IMPDH1: variants seen among roughly 807,000 people sequenced by gnomAD.
IMPDH1 encodes inosine monophosphate dehydrogenase 1.
A neutral mutation model predicts 73.5 loss-of-function variants in IMPDH1; 41 were observed. The ratio of observed to expected loss-of-function variants is 0.56; its 90% CI spans 0.43 to 0.72. IMPDH1 has a LOEUF of 0.72. IMPDH1 is among the 30% of genes least tolerant of loss of function. IMPDH1 has a pLI of 0.00. For synonymous variants in IMPDH1, 318 were observed against 334.3 expected (o/e 0.95, Z 0.53); for missense variants, 645 against 824.8 (o/e 0.78, Z 2.67).
chr7:128,400,266 C>G (rs1798224575), intron 8 of IMPDH1, 67 bp downstream of exon 8: 2 of 1,603,644 alleles, frequency 1.2e-6, no homozygotes, highest in South Asian at 2.2e-5. Flanking sequence ...GTCACAGGCA[C>G]CAGTCTGAGG....
chr7:128,400,664 C>A, intron 7 of IMPDH1, 125 bp from the exon 8 acceptor site: 1 of 1,199,326 alleles, frequency 8.3e-7, no homozygotes, highest in South Asian at 1.2e-5. Context: ...GGATGAGGAG[C>A]CAGTGGGAAA....
intron 3 of IMPDH1, 104 bp from the exon 4 acceptor site, chr7:128,405,969 C>G: frequency 1.0e-6 from 1 of 973,882 alleles, no homozygotes; most frequent in Non-Finnish European, 1.2e-6. Context: ...GGCCACGCTG[C>G]TGCCGCGGGC....
chr7:128,404,515 G>C (rs1006400495), intron 4 of IMPDH1, among the ~76,000 whole-genome samples: 1 of 152,120 alleles, frequency 6.6e-6, no homozygotes, highest in Non-Finnish European at 1.5e-5. Context: ...AATCACAGCA[G>C]GCCTTGAGAG....
At position 128,396,959 on chromosome 7, in the gene IMPDH1, G is replaced by C; in HGVS notation, c.1138C>G (p.Pro380Ala). The part of the protein sequence containing the change: ...AMVHYIKQKY[P>A]HLQVIGGNVV... ...TTCCCCCCAATCACCTGGAGGTGGG[G>C]GTACTTCTGTTTGATGTAATGCACC... The change falls in exon 11 of 17, where the codon CCC becomes GCC. Residue 380 changes from proline (P) to alanine (A), a missense_variant. Physicochemically the swap from Pro to Ala is conservative, Grantham distance 27. Around this residue, in one of 2 missense-constraint regions of IMPDH1, gnomAD observed 459 missense variants for 638.2 expected, o/e 0.72. Transcript: ENST00000338791. The surrounding 1 kb of genome is among the most constrained non-coding windows in gnomAD (Gnocchi z 4.0). 6.2e-7 allele frequency: 1 copy of C among 1,613,764 alleles called. No homozygotes were observed. The highest frequency in any genetic ancestry group is 1.3e-5 in the African/African-American group (1 of 75,026).
chr7:128,406,777 C>T (rs565006928), intron 3 of IMPDH1, among the ~76,000 whole-genome samples: 1 of 152,250 alleles, frequency 6.6e-6, no homozygotes, highest in East Asian at 1.9e-4. Context: ...GGTGTTGGTA[C>T]CAGGGCTTTT....
rs765327355 is a variant in IMPDH1 at position 128,396,579 on chromosome 7, C to T, written c.1261+21G>A. 8.5e-6 allele frequency: 13 copies of T among 1,535,246 alleles called. No individual in the cohort carries two copies. The highest frequency in any genetic ancestry group is 1.1e-5 in the Non-Finnish European group (12 of 1,133,372). Reference sequence around the variant, plus strand: ...CGAGGCCCCGGGGCCAGCGGGCACTCGCTCACCTCCTGACACCCACCTTCC... The same window carrying T: ...CGAGGCCCCGGGGCCAGCGGGCACTTGCTCACCTCCTGACACCCACCTTCC... On this transcript the variant is annotated intron_variant, in intron 12 of 16. Coordinates refer to ENST00000338791, the MANE Select transcript of IMPDH1 (RefSeq NM_000883.4). The surrounding 1 kb of genome is among the most constrained non-coding windows in gnomAD (Gnocchi z 4.0).
At chr7:128,400,286 G>A (rs767696136) in intron 8 of IMPDH1, 47 bp downstream of exon 8, 9 of 1,601,368 alleles carry the variant, frequency 5.6e-6, no homozygotes, top group Non-Finnish European at 7.7e-6. Context: ...GCCCCAGCGT[G>A]AGGGTCCTCT....
chr7:128,400,201 T>C lies in IMPDH1; in HGVS notation c.787-19A>G, dbSNP rs769028805. On this transcript the variant is annotated intron_variant, in intron 8 of 16. Transcript: ENST00000338791. ...TCATCACCTGTGGGGCCAGGAACATTTGCCTGCAGGTTGGCAGGTGAGAGA... is the reference window on the plus strand; with the variant it reads ...TCATCACCTGTGGGGCCAGGAACATCTGCCTGCAGGTTGGCAGGTGAGAGA... 6 of 1,614,022 alleles carry C rather than the reference T, an allele frequency of 3.7e-6. No homozygotes were observed. Among genetic ancestry groups the C allele is most frequent in the Non-Finnish European group, 5.1e-6 (6 of 1,179,974 alleles).
chr7:128,409,812 C>T lies in IMPDH1; in HGVS notation c.90G>A (p.Glu30=). 2.0e-6 allele frequency: 3 copies of T among 1,499,780 alleles called. No homozygotes were observed. The highest frequency in any genetic ancestry group is 2.7e-5 in the East Asian group (1 of 36,480). 92.9% of individuals were successfully genotyped at this position (1,499,780 alleles called of 1,614,324 possible). A position where few individuals can be genotyped will look rare whatever the true frequency, so the allele number is the denominator to read the frequency against. ...EPGARQHPGH[E]TAAQRYSARL... The stretch of plus-strand genomic sequence containing the variant: ...GGGCGCTGTACCGCTGCGCCGCCGT[C>T]TCGTGTCCCGGGTGTTGCCGGGCTC... The change falls in exon 1 of 17, where the codon GAG becomes GAA. Residue 30 remains glutamate, a synonymous_variant. Transcript: ENST00000338791.
chr7:128,409,618 T>C, intron 1 of IMPDH1, 134 bp from the exon 2 acceptor site: 1 of 1,521,660 alleles, frequency 6.6e-7, no homozygotes. Flanking sequence ...TTCGGGAAGT[T>C]AGAGGCTGAG....
intron 16 of IMPDH1, among the ~76,000 whole-genome samples, chr7:128,393,959 C>A (rs1235029373): frequency 6.6e-6 from 1 of 152,146 alleles, no homozygotes; most frequent in Non-Finnish European, 1.5e-5. Flanking sequence ...CCTGGTGCCA[C>A]CACAGCCCCT....
Position 128,392,782 on chromosome 7 carries a change from A to AC in IMPDH1, c.*224_*225insG. The AC allele has an allele frequency of 1.8e-6, 1 of 556,696 alleles. No homozygotes were observed. Among genetic ancestry groups the AC allele is most frequent in the Non-Finnish European group, 3.2e-6 (1 of 310,742 alleles). 34.5% of individuals were successfully genotyped at this position (556,696 alleles called of 1,614,324 possible). ...TGAGAGCCTGGCTGGCTGGGCTCGG[A>AC]GGGGGGCTCCCAGGGCAGCCTGGCC... On this transcript the variant is annotated 3_prime_UTR_variant, in exon 17 of 17. Transcript: ENST00000338791.
At position 128,392,727 on chromosome 7, in the gene IMPDH1, G is replaced by A. The variant is rs965253950; in HGVS notation, c.*280C>T. On this transcript the variant is annotated 3_prime_UTR_variant, in exon 17 of 17. Coordinates refer to ENST00000338791, the MANE Select transcript of IMPDH1 (RefSeq NM_000883.4). ...GGGGGCCAGGCTGGAGCAGGCTGCA[G>A]CAAGAAAGACCTGAGGCAGGCGCAG... The A allele has an allele frequency of 4.2e-6, 2 of 477,072 alleles. No homozygotes were observed. Among genetic ancestry groups the A allele is most frequent in the Admixed American group, 6.9e-5 (2 of 29,138 alleles). The allele number at this position is 477,072 out of a possible 1,614,324, so 29.6% of individuals were successfully genotyped here.
At position 128,394,412 on chromosome 7, in the gene IMPDH1, G is replaced by A; in HGVS notation, c.1694+44C>T. 1 of 1,613,872 alleles carries A rather than the reference G, an allele frequency of 6.2e-7. No homozygotes were observed. The highest frequency in any genetic ancestry group is 8.5e-7 in the Non-Finnish European group (1 of 1,179,828). ...TCAGGGCCACCAAGGGTGGAGAAGA[G>A]CGAGAGAAAGGAAGCAGGAGCCACC... On this transcript the variant is annotated intron_variant, in intron 15 of 16. Coordinates refer to ENST00000338791, the MANE Select transcript of IMPDH1 (RefSeq NM_000883.4). The surrounding 1 kb of genome is among the most constrained non-coding windows in gnomAD (Gnocchi z 5.5).
At chr7:128,403,877 C>A in intron 4 of IMPDH1, 123 bp from the exon 5 acceptor site, 1 of 835,114 alleles carries the variant, frequency 1.2e-6, no homozygotes, top group Non-Finnish European at 2.0e-6. Context: ...GGCTACAGCC[C>A]CCCATCCCTA....
At chr7:128,393,651 C>T (rs1201628916) in intron 16 of IMPDH1, 1 of 171,180 alleles carries the variant, frequency 5.8e-6, no homozygotes, top group East Asian at 1.6e-4. Context: ...CCACCCCCAC[C>T]TCCAGCCCAG....
intron 10 of IMPDH1, 117 bp from the exon 11 acceptor site, chr7:128,397,139 T>C (rs1282775311): frequency 1.4e-6 from 1 of 696,498 alleles, no homozygotes; most frequent in African/African-American, 1.9e-5. Context: ...AGAATGCTCT[T>C]TCCTTCTGGT....
chr7:128,400,788 A>C, intron 7 of IMPDH1, 29 bp downstream of exon 7: 1 of 1,604,354 alleles, frequency 6.2e-7, no homozygotes, highest in Non-Finnish European at 8.5e-7. Context: ...GCCAGGTGGC[A>C]TCTTGCTGGG....
intron 3 of IMPDH1, among the ~76,000 whole-genome samples, chr7:128,407,384 G>A (rs1798844790): frequency 6.6e-6 from 1 of 152,194 alleles, no homozygotes; most frequent in African/African-American, 2.4e-5. Flanking sequence ...GGGAGGCTGG[G>A]GCCGGATTGC....
Sources: allele counts gnomAD v4.1 joint callset (sites outside exome capture counted in the v4.1 genomes callset), GRCh38; gene constraint gnomAD v4.1.1; regional missense constraint gnomAD v4.1.1; non-coding constraint Gnocchi (gnomAD v3.1); transcripts MANE v1.5; gene names NCBI Gene and HGNC (gene_info 2026-07-23, HGNC 2026-07-21).